The following HTR3A variants were observed in gnomAD, a reference collection of about 807,000 sequenced individuals.
The protein encoded by HTR3A is 5-hydroxytryptamine receptor 3A, also known as 5-hydroxytryptamine (serotonin) receptor 3A, ionotropic.
In HTR3A, 45 loss-of-function variants were observed where a neutral mutation model predicts 54.8. That is an observed-to-expected ratio of 0.82 (90% CI 0.65 to 1.05). HTR3A has a LOEUF of 1.05. Among genes scored for constraint, HTR3A ranks in the 50% least tolerant of loss-of-function variants. The probability of loss-of-function intolerance (pLI) is 0.00; values close to 1 mark genes in which losing one functional copy is unlikely to be tolerated. For missense variants in HTR3A, 657 were observed against 614.0 expected (o/e 1.07, Z -0.74); for synonymous variants, 297 against 256.0 (o/e 1.16, Z -1.53).
At chr11:113,977,061 C>T (rs1179956741) in intron 1 of HTR3A, among the ~76,000 whole-genome samples, 1 of 152,126 alleles carries the variant, frequency 6.6e-6, no homozygotes. Flanking sequence ...TCCCTCCACA[C>T]CTCGCCCCAA....
chr11:113,982,361 T>C (rs1466261761), intron 4 of HTR3A, among the ~76,000 whole-genome samples: 1 of 152,112 alleles, frequency 6.6e-6, no homozygotes, highest in Admixed American at 6.6e-5. Flanking sequence ...GTAGTTGACC[T>C]GGACCACACA....
At position 113,979,262 on chromosome 11, in the gene HTR3A, C is replaced by T. The variant is rs1277407232; in HGVS notation, c.249C>T (p.Tyr83=). 1.2e-6 allele frequency: 2 copies of T among 1,612,548 alleles called. No homozygotes were observed. The highest frequency in any genetic ancestry group is 1.7e-6 in the Non-Finnish European group (2 of 1,179,646). The change falls in exon 3 of 9, where the codon TAC becomes TAT. Residue 83 remains tyrosine (Y), a synonymous_variant. Coordinates refer to ENST00000504030, the MANE Select transcript of HTR3A (RefSeq NM_000869.6). ...AGAAGAATCAGGTGCTGACCACCTA[C>T]ATCTGGTACCGGCAGGTGAGCAGAC... ...VDEKNQVLTT[Y]IWYRQYWTDE... is the part of the protein sequence containing the mutation.
intron 4 of HTR3A, 118 bp from the exon 5 acceptor site, chr11:113,983,002 T>A: frequency 8.6e-7 from 1 of 1,165,500 alleles, no homozygotes; most frequent in Non-Finnish European, 1.3e-6. Context: ...ATCCAGGTTA[T>A]CCGGCTGCCT....
At chr11:113,986,423 A>T (rs1950491882) in intron 6 of HTR3A, 95 bp from the exon 7 acceptor site, 7 of 1,414,310 alleles carry the variant, frequency 4.9e-6, no homozygotes, top group Middle Eastern at 4.7e-4. Context: ...CCAGGCTGGA[A>T]GCCCCATAAA....
At chr11:113,987,512 C>T (rs1203602681) in intron 8 of HTR3A, among the ~76,000 whole-genome samples, 1 of 152,100 alleles carries the variant, frequency 6.6e-6, no homozygotes, top group East Asian at 1.9e-4. Context: ...GTGGGAGGAT[C>T]ACTTGAGCCC....
In HTR3A at chr11:113,983,298, G is replaced by A. The variant is rs759984857; in HGVS notation, c.544+9G>A. 1.8e-5 allele frequency: 29 copies of A among 1,613,516 alleles called. No individual in the cohort carries two copies. The highest frequency in any genetic ancestry group is 2.5e-5 in the Non-Finnish European group (29 of 1,180,040). On this transcript the variant is annotated intron_variant, in intron 5 of 8. Coordinates refer to ENST00000504030, the MANE Select transcript of HTR3A (RefSeq NM_000869.6). ...CAGTTGGCTGCACACCAGTGAGTAT[G>A]TGGGCTTCGCCGGGACAGGGGTGGA... is the stretch of plus-strand genomic sequence containing the variant.
Position 113,986,629 on chromosome 11 carries a change from A to T in HTR3A, c.817A>T (p.Arg273Trp), listed in dbSNP as rs1396202813. The T allele has an allele frequency of 6.2e-7, 1 of 1,613,740 alleles. No individual in the cohort carries two copies. Among genetic ancestry groups the T allele is most frequent in the Non-Finnish European group, 8.5e-7 (1 of 1,180,006 alleles). The stretch of plus-strand genomic sequence containing the variant: ...CTACCTGCCCCCCAACAGTGGCGAG[A>T]GGGTCTCTTTCAAGATTACACTCCT... The part of the protein sequence containing the change: ...GFYLPPNSGE[R>W]VSFKITLLLG... The change falls in exon 7 of 9, where the codon AGG becomes TGG. Residue 273 changes from arginine (R) to tryptophan (W), a missense_variant. Transcript: ENST00000504030.
intron 4 of HTR3A, among the ~76,000 whole-genome samples, chr11:113,982,591 T>C (rs1300832172): frequency 2.0e-5 from 3 of 152,212 alleles, no homozygotes; most frequent in African/African-American, 7.2e-5. Context: ...TTGTGGGGCT[T>C]TTCTGGCTTT....
chr11:113,982,752 G>A (rs1950436586), intron 4 of HTR3A, among the ~76,000 whole-genome samples: 1 of 152,206 alleles, frequency 6.6e-6, no homozygotes, highest in Non-Finnish European at 1.5e-5. Context: ...TGGTCCCGCA[G>A]GACTGGCGAT....
Position 113,989,716 on chromosome 11 carries a change from TACAGCATC to T in HTR3A, c.1393_1400del (p.Ser465ProfsTer113). 1.9e-6 allele frequency: 3 copies of T among 1,613,652 alleles called. No homozygotes were observed. Among genetic ancestry groups the T allele is most frequent in the Non-Finnish European group, 2.5e-6 (3 of 1,180,026 alleles). On this transcript the variant is annotated frameshift_variant, in exon 9 of 9. Transcript: ENST00000504030. LOFTEE classifies it high-confidence loss of function. The surrounding 1 kb of genome is among the most constrained non-coding windows in gnomAD (Gnocchi z 4.4). ...CATTTACCTGCTAGCGGTGCTGGCC[TACAGCATC>T]ACCCTGGTTATGCTCTGGTCCATCT...
rs149395424 is a variant in HTR3A at position 113,989,619 on chromosome 11, G to C, written c.1293G>C (p.Lys431Asn). Residue 431 changes from lysine to asparagine, a missense_variant, in exon 9 of 9, where the codon AAG becomes AAC. Lys to Asn is a moderately conservative substitution (Grantham distance 94). Coordinates refer to ENST00000504030, the MANE Select transcript of HTR3A (RefSeq NM_000869.6). The surrounding 1 kb of genome is among the most constrained non-coding windows in gnomAD (Gnocchi z 4.4). Reference sequence around the variant, plus strand: ...CCTCCATCCGGCAATTCCTGGAAAAGCGGGATGAGATCCGAGAGGTGGCCC... The same window carrying C: ...CCTCCATCCGGCAATTCCTGGAAAACCGGGATGAGATCCGAGAGGTGGCCC... ...ELSSIRQFLE[K>N]RDEIREVARD... 6.2e-7 allele frequency: 1 copy of C among 1,614,212 alleles called. No homozygotes were observed. The highest frequency in any genetic ancestry group is 8.5e-7 in the Non-Finnish European group (1 of 1,180,034).
At position 113,975,241 on chromosome 11, in the gene HTR3A, G is replaced by A; in HGVS notation, c.-85G>A. ...ACGAGAGGCAGGCTGGCTGGGACAT[G>A]AGGTTGGCAGAGGGCAGGCAAGCTG... is the stretch of plus-strand genomic sequence containing the variant. On this transcript the variant is annotated 5_prime_UTR_variant, in exon 1 of 9. An upstream start codon of the reference 5' UTR is lost. Transcript: ENST00000504030. 1 of 1,321,238 alleles carries A rather than the reference G, an allele frequency of 7.6e-7. No individual in the cohort carries two copies. The highest frequency in any genetic ancestry group is 1.1e-6 in the Non-Finnish European group (1 of 929,050). 81.8% of individuals were successfully genotyped at this position (1,321,238 alleles called of 1,614,324 possible).
chr11:113,985,175 C>T (rs1950474482), intron 5 of HTR3A, among the ~76,000 whole-genome samples: 1 of 152,190 alleles, frequency 6.6e-6, no homozygotes, highest in Non-Finnish European at 1.5e-5. Flanking sequence ...TACACACATA[C>T]ACATCTATGG....
chr11:113,983,791 T>C (rs575536216), intron 5 of HTR3A, among the ~76,000 whole-genome samples: 1 of 152,306 alleles, frequency 6.6e-6, no homozygotes, highest in South Asian at 2.1e-4. Context: ...CCTAGGTTTC[T>C]GCTTTAGCCT....
At chr11:113,976,528 A>G (rs942041591) in intron 1 of HTR3A, among the ~76,000 whole-genome samples, 8 of 151,064 alleles carry the variant, frequency 5.3e-5, no homozygotes, top group African/African-American at 1.5e-4. Flanking sequence ...AATGAAGAAT[A>G]TGTTTATTGA....
rs1225414356 is a variant in HTR3A at position 113,975,169 on chromosome 11, G to T, written c.-157G>T. ...ACTTGGCAGCTCCCCAACCTTGGTG[G>T]CCCAGGGAGTGTGAGGCTGCAGCCT... On this transcript the variant is annotated 5_prime_UTR_variant, in exon 1 of 9. Coordinates refer to ENST00000504030, the MANE Select transcript of HTR3A (RefSeq NM_000869.6). 5 of 727,834 alleles carry T rather than the reference G, an allele frequency of 6.9e-6. No homozygotes were observed. The highest frequency in any genetic ancestry group is 2.0e-5 in the Admixed American group (1 of 50,010). 45.1% of individuals were successfully genotyped at this position (727,834 alleles called of 1,614,324 possible).
At chr11:113,980,997 T>A in intron 3 of HTR3A, 1 of 571,276 alleles carries the variant, frequency 1.8e-6, no homozygotes, top group Non-Finnish European at 3.2e-6. Context: ...TCTAGCCGAG[T>A]TGTTATGTGT....
In HTR3A at chr11:113,983,106, T is replaced by G. The variant is rs777035723; in HGVS notation, c.375-14T>G. The G allele has an allele frequency of 1.2e-6, 2 of 1,613,740 alleles. No individual in the cohort carries two copies. The highest frequency in any genetic ancestry group is 4.5e-5 in the East Asian group (2 of 44,872). The stretch of plus-strand genomic sequence containing the variant: ...TCTCTTGAGCTCCCAAACTAACCCC[T>G]TTTCCCCCGCCAGCGTGGATGTGGG... On this transcript the variant is annotated splice_polypyrimidine_tract_variant and intron_variant, in intron 4 of 8. Coordinates refer to ENST00000504030, the MANE Select transcript of HTR3A (RefSeq NM_000869.6).
At chr11:113,986,237 G>T in intron 6 of HTR3A, 62 bp downstream of exon 6, 2 of 1,596,694 alleles carry the variant, frequency 1.3e-6, no homozygotes, top group Non-Finnish European at 1.7e-6. Context: ...TAGACTTAAG[G>T]AGGCATACTG....
Sources: allele counts gnomAD v4.1 joint callset (sites outside exome capture counted in the v4.1 genomes callset), GRCh38; gene constraint gnomAD v4.1.1; non-coding constraint Gnocchi (gnomAD v3.1); transcripts MANE v1.5; gene names NCBI Gene and HGNC (gene_info 2026-07-23, HGNC 2026-07-21).